SLC2A13: variants seen among roughly 807,000 people sequenced by gnomAD.
The protein encoded by SLC2A13 is solute carrier family 2 member 13, also known as proton myo-inositol cotransporter.
SLC2A13 carries 32 observed loss-of-function variants against 64.4 expected under a neutral mutation model. That is an observed-to-expected ratio of 0.50 (90% CI 0.37 to 0.67). The LOEUF (loss-of-function observed/expected upper bound fraction) is 0.67, where lower values mean the gene tolerates loss of function less well. Ranked by LOEUF, SLC2A13 falls within the 30% of genes least tolerant of loss-of-function variation. The pLI is 0.00. For missense variants in SLC2A13, 743 were observed against 829.2 expected (o/e 0.90, Z 1.28); for synonymous variants, 338 against 327.1 (o/e 1.03, Z -0.36).
At chr12:40,100,946 C>T (rs1445736921) in intron 1 of SLC2A13, among the ~76,000 whole-genome samples, 1 of 92,472 alleles carries the variant, frequency 1.1e-5, no homozygotes, top group Non-Finnish European at 1.9e-5. Context: ...GCCTGGGCGA[C>T]AAGAGTGAAG....
chr12:39,983,171 C>A (rs1376318838), intron 3 of SLC2A13, among the ~76,000 whole-genome samples: 9 of 151,622 alleles, frequency 5.9e-5, no homozygotes, highest in Non-Finnish European at 8.8e-5. Flanking sequence ...TTATACAAAA[C>A]TCAATTCAAG....
At chr12:39,895,222 G>A (rs1944710899) in intron 4 of SLC2A13, among the ~76,000 whole-genome samples, 1 of 151,988 alleles carries the variant, frequency 6.6e-6, no homozygotes, top group Non-Finnish European at 1.5e-5. Context: ...ACCTCAGGAT[G>A]TAACTAAACT....
intron 3 of SLC2A13, among the ~76,000 whole-genome samples, chr12:39,960,988 C>G (rs1946402509): frequency 6.6e-6 from 1 of 150,960 alleles, no homozygotes; most frequent in African/African-American, 2.4e-5. Flanking sequence ...CTTCAGTGAT[C>G]CACTCGTCTT....
intron 3 of SLC2A13, among the ~76,000 whole-genome samples, chr12:40,006,586 ATTTC>A (rs568672905): frequency 6.6e-5 from 10 of 152,202 alleles, no homozygotes; most frequent in South Asian, 2.1e-4. Flanking sequence ...GTCAGGTAAA[ATTTC>A]TTTCTAATAG....
chr12:39,948,044 T>A (rs1472173012), intron 4 of SLC2A13, among the ~76,000 whole-genome samples: 1 of 152,186 alleles, frequency 6.6e-6, no homozygotes. Flanking sequence ...AAATATTTTA[T>A]TGGTCTATGA....
rs1278127553 is a variant in SLC2A13, at chr12:40,105,644, G to A, written c.165C>T (p.Gly55=). The A allele has an allele frequency of 1.1e-5, 16 of 1,488,598 alleles. No individual in the cohort carries two copies. The highest frequency in any genetic ancestry group is 1.4e-5 in the Non-Finnish European group (16 of 1,122,948). The allele number at this position is 1,488,598 out of a possible 1,614,324, so 92.2% of individuals were successfully genotyped here. A position where few individuals can be genotyped will look rare whatever the true frequency, so the allele number is the denominator to read the frequency against. Residue 55 remains glycine (G), a synonymous_variant, in exon 1 of 10, where the codon GGC becomes GGT. Transcript: ENST00000280871. This position sits in a 1 kb window ranked among gnomAD's most constrained non-coding sequence, Gnocchi z 4.2. ...AESSTSLQSA[G]AGGGGVGDLE... ...GGTCCCCGACGCCGCCGCCGCCCGC[G>A]CCCGCGCTCTGCAGGCTGGTGCTCG...
chr12:40,084,499 A>G (rs1938526740), intron 1 of SLC2A13, among the ~76,000 whole-genome samples: 1 of 152,222 alleles, frequency 6.6e-6, no homozygotes, highest in Non-Finnish European at 1.5e-5. Context: ...GGCTCAAATA[A>G]CAAAATTCAA....
In SLC2A13 at chr12:39,809,628, GT is replaced by G. The variant is rs758525303; in HGVS notation, c.1445+20474del. Among the ~76,000 whole-genome samples the G allele has an allele frequency of 1.2e-4, 18 of 152,214 alleles. No individual in the cohort carries two copies. The East Asian group carries it at 2.3e-3, about 20-fold the overall frequency. On this transcript the variant is annotated intron_variant, in intron 7 of 9. Transcript: ENST00000280871. ...CCATTAACTCGTCATTTAGCATCAG[GT>G]ATATCTCCTAATGCTATCCTTTCCC...
intron 3 of SLC2A13, among the ~76,000 whole-genome samples, chr12:39,960,336 T>A (rs1946386690): frequency 1.3e-5 from 2 of 152,208 alleles, no homozygotes; most frequent in South Asian, 4.1e-4. Flanking sequence ...GTTTTCTACA[T>A]AGACTTCCGC....
intron 4 of SLC2A13, among the ~76,000 whole-genome samples, chr12:39,883,277 T>C (rs1476369304): frequency 1.3e-5 from 2 of 152,180 alleles, no homozygotes; most frequent in Admixed American, 6.6e-5. Flanking sequence ...TTAGTTTTTC[T>C]GAATACGCCT....
chr12:39,919,474 T>C (rs1945577646), intron 4 of SLC2A13, among the ~76,000 whole-genome samples: 1 of 152,084 alleles, frequency 6.6e-6, no homozygotes, highest in Non-Finnish European at 1.5e-5. Context: ...ATATATTTCA[T>C]CCCACTTTTG....
intron 7 of SLC2A13, among the ~76,000 whole-genome samples, chr12:39,785,939 A>C (rs1941168925): frequency 6.6e-6 from 1 of 152,208 alleles, no homozygotes; most frequent in Non-Finnish European, 1.5e-5. Flanking sequence ...CATTGTATTT[A>C]GGAAGTAACT....
At chr12:39,830,355 T>G in intron 6 of SLC2A13, 127 bp from the exon 7 acceptor site, 1 of 1,450,792 alleles carries the variant, frequency 6.9e-7, no homozygotes, top group Non-Finnish European at 9.1e-7. Flanking sequence ...TGGGACTTGT[T>G]TTGGCCAAGG....
chr12:40,078,583 T>C (rs1408184659), intron 1 of SLC2A13, among the ~76,000 whole-genome samples: 1 of 152,236 alleles, frequency 6.6e-6, no homozygotes, highest in East Asian at 1.9e-4. Context: ...ATCAGGGATA[T>C]TAGCCTGAAG....
At position 39,764,759 on chromosome 12, in the gene SLC2A13, T is replaced by C. The variant is rs1284820417; in HGVS notation, c.1545A>G (p.Leu515=). The C allele has an allele frequency of 4.3e-6, 7 of 1,612,542 alleles. No individual in the cohort carries two copies. The highest frequency in any genetic ancestry group is 1.1e-5 in the South Asian group (1 of 90,932). ...YSWTALLGLI[L]YLVFFAPGMG... ...TACCAGGTGCAAAGAAGACAAGATA[T>C]AAAATAAGGCCCAGAAGTGCAGTCC... Residue 515 remains leucine, a synonymous_variant, in exon 8 of 10, where the codon TTA becomes TTG. Transcript: ENST00000280871.
At chr12:39,790,998 T>G (rs1433021733) in intron 7 of SLC2A13, among the ~76,000 whole-genome samples, 2 of 73,806 alleles carry the variant, frequency 2.7e-5, no homozygotes, top group African/African-American at 4.8e-5. Flanking sequence ...TCATGTGTTT[T>G]TTGGCTGCAT....
At chr12:39,806,126 C>CCGAGA (rs1388532108) in intron 7 of SLC2A13, among the ~76,000 whole-genome samples, 1 of 152,118 alleles carries the variant, frequency 6.6e-6, no homozygotes, top group Admixed American at 6.6e-5. Context: ...ATGCAAGTTT[C>CCGAGA]ACAAGAGCTT....
intron 6 of SLC2A13, among the ~76,000 whole-genome samples, chr12:39,857,355 G>A (rs1943634055): frequency 6.6e-6 from 1 of 152,166 alleles, no homozygotes; most frequent in Non-Finnish European, 1.5e-5. Context: ...ATGTTGCTAA[G>A]TAGACCACAG....
intron 4 of SLC2A13, among the ~76,000 whole-genome samples, chr12:39,900,761 G>T (rs1945074874): frequency 6.6e-6 from 1 of 152,126 alleles, no homozygotes; most frequent in African/African-American, 2.4e-5. Context: ...TGGCCATACT[G>T]CCCAAGGTAA....
Sources: gnomAD v4.1 joint callset for allele counts (sites outside exome capture counted in the v4.1 genomes callset) on GRCh38, gnomAD v4.1.1 for gene constraint, Gnocchi (gnomAD v3.1) non-coding constraint, MANE v1.5 for transcripts, NCBI Gene and HGNC (gene_info 2026-07-23, HGNC 2026-07-21) for gene names.